Variants in TANC2 observed in about 807,000 individuals in gnomAD.
TANC2 encodes tetratricopeptide repeat, ankyrin repeat and coiled-coil containing 2.
Under a neutral mutation model 210.5 loss-of-function variants are expected in TANC2, and 26 were observed. The ratio of observed to expected loss-of-function variants is 0.12; its 90% CI spans 0.09 to 0.17. The LOEUF (loss-of-function observed/expected upper bound fraction) is 0.17, where lower values mean the gene tolerates loss of function less well. TANC2 is among the 10% of genes least tolerant of loss of function. The pLI is 1.00. For missense variants in TANC2, 2,129 were observed against 2,608.9 expected, an observed-to-expected ratio of 0.82 and a Z score of 4.01; for synonymous variants, 931 against 967.1, an observed-to-expected ratio of 0.96 and a Z score of 0.69.
At chr17:63,275,289 G>A (rs2043838143) in intron 9 of TANC2, among the ~76,000 whole-genome samples, 1 of 152,116 alleles carries the variant, frequency 6.6e-6, no homozygotes. Flanking sequence ...GCCATTCAGA[G>A]GCTTTGTGTT....
At chr17:63,200,803 T>C in exon 7 of TANC2, 1 of 1,613,802 alleles carries the variant, frequency 6.2e-7, no homozygotes, top group African/African-American at 1.3e-5. Context: ...TAAGTCCTTG[T>C]TCCACTCTGA....
intron 5 of TANC2, among the ~76,000 whole-genome samples, chr17:63,170,270 CAAA>C (rs1390152774): frequency 8.2e-6 from 1 of 122,478 alleles, no homozygotes; most frequent in Non-Finnish European, 1.8e-5. Flanking sequence ...ACTAAAAATA[CAAA>C]AAAAAAAAAA....
chr17:62,972,548 G>A (rs953400459), intron 1 of TANC2, among the ~76,000 whole-genome samples: 1 of 152,116 alleles, frequency 6.6e-6, no homozygotes. Context: ...AACACCTTTA[G>A]TGTTTTTGTC....
At position 63,359,017 on chromosome 17, in the gene TANC2, C is replaced by A. The variant is rs150159869; in HGVS notation, c.2582+3627C>A. Among the ~76,000 whole-genome samples, 1,110 of 136,094 alleles carry A rather than the reference C, an allele frequency of 8.2e-3. 14 individuals carry two copies. Among genetic ancestry groups the A allele is most frequent in the African/African-American group, 0.031 (1,010 of 32,494 alleles). The allele number at this position is 136,094 out of a possible 152,430, so 89.3% of individuals were successfully genotyped here. ...GTGTGTGTGTGTGTGTAAGATTTTG[C>A]CAGAGATTAAAAGACTACTGCGTTA... On this transcript the variant is annotated intron_variant, in intron 14 of 27. Coordinates refer to ENST00000689528, the Ensembl canonical transcript of TANC2.
intron 7 of TANC2, among the ~76,000 whole-genome samples, chr17:63,221,919 A>T (rs574651728): frequency 6.6e-6 from 1 of 152,338 alleles, no homozygotes; most frequent in South Asian, 2.1e-4. Flanking sequence ...GAGCAAGAAA[A>T]TCATATGTCT....
intron 4 of TANC2, among the ~76,000 whole-genome samples, chr17:63,145,025 GT>G (rs1009304868): frequency 3.3e-5 from 5 of 149,500 alleles, no homozygotes; most frequent in East Asian, 2.0e-4. Flanking sequence ...CCTTCTCTCT[GT>G]TTTTTTTTGT....
chr17:63,023,702 A>T (rs566751540), intron 2 of TANC2, among the ~76,000 whole-genome samples: 28 of 152,326 alleles, frequency 1.8e-4, no homozygotes, highest in African/African-American at 6.5e-4. Context: ...GGAGGATGTT[A>T]GAGTTTTGAG....
chr17:63,387,810 GC>G (rs1257251575), intron 15 of TANC2, among the ~76,000 whole-genome samples: 1 of 152,196 alleles, frequency 6.6e-6, no homozygotes, highest in Non-Finnish European at 1.5e-5. Context: ...TGGGACCTGT[GC>G]CAGTGATACT....
At chr17:63,398,709 C>T in intron 18 of TANC2, 112 bp from the exon 19 acceptor site, 2 of 633,404 alleles carry the variant, frequency 3.2e-6, no homozygotes, top group Non-Finnish European at 5.4e-6. Flanking sequence ...CTTTTGTGTG[C>T]AAGAGATTTA....
At chr17:63,207,375 T>C (rs1449120122) in intron 7 of TANC2, among the ~76,000 whole-genome samples, 1 of 151,582 alleles carries the variant, frequency 6.6e-6, no homozygotes, top group Non-Finnish European at 1.5e-5. Context: ...GCCACCACGC[T>C]TGGCTAATTT....
intron 4 of TANC2, among the ~76,000 whole-genome samples, chr17:63,103,080 C>T (rs2037689893): frequency 6.7e-6 from 1 of 149,420 alleles, no homozygotes; most frequent in Non-Finnish European, 1.5e-5. Context: ...GAACCAGTCC[C>T]CCATGGATAC....
intron 11 of TANC2, among the ~76,000 whole-genome samples, chr17:63,329,178 AGATTT>A (rs1343306747): frequency 2.0e-5 from 3 of 152,080 alleles, no homozygotes; most frequent in Admixed American, 6.6e-5. Context: ...TCAGCATGAT[AGATTT>A]ATTATTTTTT....
At chr17:63,127,204 T>G (rs2038743297) in intron 4 of TANC2, among the ~76,000 whole-genome samples, 1 of 152,226 alleles carries the variant, frequency 6.6e-6, no homozygotes, top group Non-Finnish European at 1.5e-5. Flanking sequence ...CCTTCTCCAT[T>G]CTGGGGATAA....
At chr17:63,267,066 C>T (rs1170126768) in intron 8 of TANC2, among the ~76,000 whole-genome samples, 6 of 152,054 alleles carry the variant, frequency 3.9e-5, no homozygotes, top group African/African-American at 1.4e-4. Context: ...GTTGCCCAGG[C>T]TGGTCTTGAA....
At chr17:63,331,862 G>C (rs866005306) in intron 11 of TANC2, 50 of 161,644 alleles carry the variant, frequency 3.1e-4, no homozygotes, top group African/African-American at 1.1e-3. Flanking sequence ...GTGTCTGTGT[G>C]TGTGTGTGTG....
chr17:63,032,969 G>A (rs1176947481), intron 2 of TANC2, among the ~76,000 whole-genome samples: 1 of 152,166 alleles, frequency 6.6e-6, no homozygotes, highest in Non-Finnish European at 1.5e-5. Flanking sequence ...CTTGGGTTCA[G>A]TAATTTGTCA....
chr17:63,374,150 C>T (rs528512678), intron 14 of TANC2, among the ~76,000 whole-genome samples: 75 of 145,582 alleles, frequency 5.2e-4, no homozygotes, highest in Non-Finnish European at 1.0e-3. Context: ...AATTTTTCTG[C>T]TTCAGCCTCC....
intron 1 of TANC2, among the ~76,000 whole-genome samples, chr17:62,996,838 A>T (rs1296013606): frequency 1.3e-5 from 2 of 148,984 alleles, no homozygotes; most frequent in Non-Finnish European, 3.0e-5. Context: ...TTTGAGATGG[A>T]GTTCCGCTCT....
chr17:63,246,699 C>G (rs553290391), intron 8 of TANC2, among the ~76,000 whole-genome samples: 1 of 152,162 alleles, frequency 6.6e-6, no homozygotes, highest in East Asian at 1.9e-4. Flanking sequence ...CATATTATGT[C>G]TATTCATTTA....
Sources: allele counts gnomAD v4.1 joint callset (sites outside exome capture counted in the v4.1 genomes callset), GRCh38; gene constraint gnomAD v4.1.1; transcripts MANE v1.5; gene names NCBI Gene and HGNC (gene_info 2026-07-23, HGNC 2026-07-21).